The following SLC5A8 variants were observed in gnomAD, a reference collection of about 807,000 sequenced individuals.
SLC5A8 encodes sodium-coupled monocarboxylate transporter 1.
Under a neutral mutation model 71.9 loss-of-function variants are expected in SLC5A8, and 55 were observed. That is an observed-to-expected ratio of 0.77 (90% CI 0.62 to 0.96). SLC5A8 has a LOEUF of 0.96. Ranked by LOEUF, SLC5A8 falls within the 40% of genes least tolerant of loss-of-function variation. The pLI is 0.00. For synonymous variants in SLC5A8, 307 were observed against 276.1 expected (o/e 1.11, Z -1.11); for missense variants, 701 against 745.3 (o/e 0.94, Z 0.69).
intron 7 of SLC5A8, among the ~76,000 whole-genome samples, chr12:101,184,974 A>G (rs1162783643): frequency 1.3e-5 from 2 of 152,208 alleles, no homozygotes; most frequent in African/African-American, 4.8e-5. Context: ...TAAGTGGACA[A>G]TTTTCTCGAA....
intron 7 of SLC5A8, among the ~76,000 whole-genome samples, chr12:101,185,980 T>C (rs1477618433): frequency 1.3e-5 from 2 of 152,092 alleles, no homozygotes; most frequent in South Asian, 2.1e-4. Context: ...CCTGGAAATA[T>C]ATCAGTTGGG....
chr12:101,166,641 G>T lies in SLC5A8; in HGVS notation c.1379C>A (p.Ala460Asp), dbSNP rs559691776. The T allele has an allele frequency of 6.2e-7, 1 of 1,613,598 alleles. No individual in the cohort carries two copies. Among genetic ancestry groups the T allele is most frequent in the Admixed American group, 1.7e-5 (1 of 59,872 alleles). The change falls in exon 12 of 15, where the codon GCT becomes GAT. Residue 460 changes from alanine (A) to aspartate (D), a missense_variant. By Grantham distance (126) the Ala-to-Asp change is moderately radical. Coordinates refer to ENST00000536262, the MANE Select transcript of SLC5A8 (RefSeq NM_145913.5). The part of the protein sequence containing the change: ...FAISLWVGIG[A>D]QIYPPLPERT... ...CTCAGGAAGTGGAGGATATATTTGA[G>T]CTCCAATTCCAACCCATAGAGAAAT...
At chr12:101,189,708 C>T (rs1593377160) in intron 6 of SLC5A8, among the ~76,000 whole-genome samples, 2 of 152,234 alleles carry the variant, frequency 1.3e-5, no homozygotes, top group Middle Eastern at 3.4e-3. Context: ...CCAAATCACT[C>T]CACCTACCTA....
rs1389655988 is a variant in SLC5A8 at position 101,209,959 on chromosome 12, C to T, written c.-111G>A. On this transcript the variant is annotated 5_prime_UTR_variant, in exon 1 of 15. Coordinates refer to ENST00000536262, the MANE Select transcript of SLC5A8 (RefSeq NM_145913.5). ...TCCCTGGCGCGCAGGCGTGGCGTCC[C>T]GCGGGGACTGGAGGCGTCCTCCAGG... 1 of 1,037,452 alleles carries T rather than the reference C, an allele frequency of 9.6e-7. No individual in the cohort carries two copies. Among genetic ancestry groups the T allele is most frequent in the Non-Finnish European group, 1.3e-6 (1 of 753,928 alleles). The allele number at this position is 1,037,452 out of a possible 1,614,324, so 64.3% of individuals were successfully genotyped here. A position where few individuals can be genotyped will look rare whatever the true frequency, so the allele number is the denominator to read the frequency against.
At chr12:101,171,641 G>A (rs1023321903) in intron 10 of SLC5A8, among the ~76,000 whole-genome samples, 3 of 152,304 alleles carry the variant, frequency 2.0e-5, no homozygotes, top group Middle Eastern at 3.4e-3. Flanking sequence ...TGTGGCTTTG[G>A]GGCAGACTCG....
intron 1 of SLC5A8, among the ~76,000 whole-genome samples, chr12:101,207,800 A>G (rs759113518): frequency 1.3e-5 from 2 of 152,086 alleles, no homozygotes; most frequent in Non-Finnish European, 2.9e-5. Context: ...ACTAAGATAT[A>G]TGTTTTCTTA....
chr12:101,158,271 G>C lies in SLC5A8; in HGVS notation c.1688C>G (p.Ser563Cys). 6.3e-7 allele frequency: 1 copy of C among 1,589,566 alleles called. No homozygotes were observed. The highest frequency in any genetic ancestry group is 8.6e-7 in the Non-Finnish European group (1 of 1,164,288). ...RYILTKEDFL[S>C]NFDIFKKKKH... The stretch of plus-strand genomic sequence containing the variant: ...CACTTTCTTAAAAATATCAAAATTG[G>C]ATAAAAAGTCCTCTTTGGTTAGTAT... Residue 563 changes from serine (S) to cysteine (C), a missense_variant, in exon 14 of 15, where the codon TCC becomes TGC. By Grantham distance (112) the Ser-to-Cys change is moderately radical. Coordinates refer to ENST00000536262, the MANE Select transcript of SLC5A8 (RefSeq NM_145913.5).
At chr12:101,198,923 T>C (rs1038137628) in intron 3 of SLC5A8, among the ~76,000 whole-genome samples, 1 of 151,890 alleles carries the variant, frequency 6.6e-6, no homozygotes, top group Non-Finnish European at 1.5e-5. Context: ...ACATTAACAT[T>C]ACAATAAGAC....
At chr12:101,200,907 G>A (rs1012727178) in intron 3 of SLC5A8, among the ~76,000 whole-genome samples, 29 of 152,126 alleles carry the variant, frequency 1.9e-4, no homozygotes, top group Admixed American at 1.9e-3. Context: ...AGTTAAATAA[G>A]CTTTTTTGAG....
intron 1 of SLC5A8, 45 bp downstream of exon 1, chr12:101,209,453 C>T: frequency 6.8e-7 from 1 of 1,469,050 alleles, no homozygotes; most frequent in East Asian, 2.4e-5. Context: ...TGCAGAGTCC[C>T]CTTCCCCCGC....
At chr12:101,166,777 T>G in intron 11 of SLC5A8, 78 bp from the exon 12 acceptor site, 1 of 1,312,358 alleles carries the variant, frequency 7.6e-7, no homozygotes, top group Middle Eastern at 1.9e-4. Context: ...AAAGCCAAGT[T>G]CAACATGGCA....
chr12:101,174,808 G>A (rs1432453106), intron 10 of SLC5A8, among the ~76,000 whole-genome samples: 5 of 152,122 alleles, frequency 3.3e-5, no homozygotes, highest in East Asian at 1.9e-4. Context: ...GTAATGAGGC[G>A]GCACCCTCCC....
Position 101,180,044 on chromosome 12 carries a change from C to T in SLC5A8, c.1218G>A (p.Met406Ile). The change falls in exon 10 of 15, where the codon ATG becomes ATA. Residue 406 changes from methionine to isoleucine, a missense_variant. Coordinates refer to ENST00000536262, the MANE Select transcript of SLC5A8 (RefSeq NM_145913.5). ...CAGCTCTCACCTGCAACAAAGCTCC[C>T]ATAAGTGACGCCAGCGCAGCCATTC... Reference protein sequence around the residue: ...CIGMAALASLMGALLQAALSV... With the variant: ...CIGMAALASLIGALLQAALSV... The T allele has an allele frequency of 6.2e-7, 1 of 1,614,012 alleles. No homozygotes were observed. Among genetic ancestry groups the T allele is most frequent in the Non-Finnish European group, 8.5e-7 (1 of 1,179,930 alleles).
At chr12:101,193,407 C>T (rs1869008139) in intron 5 of SLC5A8, among the ~76,000 whole-genome samples, 1 of 152,206 alleles carries the variant, frequency 6.6e-6, no homozygotes, top group Non-Finnish European at 1.5e-5. Context: ...GGAAACATTG[C>T]TCTAAGCACC....
intron 7 of SLC5A8, among the ~76,000 whole-genome samples, chr12:101,186,406 A>C (rs539103688): frequency 6.6e-6 from 1 of 152,332 alleles, no homozygotes; most frequent in South Asian, 2.1e-4. Context: ...CATTTGCATC[A>C]ACAGAAATTC....
intron 7 of SLC5A8, among the ~76,000 whole-genome samples, chr12:101,186,003 CG>C (rs1868620387): frequency 6.6e-6 from 1 of 151,502 alleles, no homozygotes; most frequent in Non-Finnish European, 1.5e-5. Flanking sequence ...GAAATCTTCA[CG>C]GACTCTCTAA....
chr12:101,175,729 A>G (rs1049646502), intron 10 of SLC5A8, among the ~76,000 whole-genome samples: 28 of 152,112 alleles, frequency 1.8e-4, no homozygotes, highest in Non-Finnish European at 1.0e-4. Flanking sequence ...ACAAAAAGAA[A>G]GTAGAAAAAT....
chr12:101,167,065 G>A (rs116105061), intron 11 of SLC5A8, among the ~76,000 whole-genome samples: 4 of 151,988 alleles, frequency 2.6e-5, no homozygotes, highest in East Asian at 1.9e-4. Flanking sequence ...AAAAGGACAT[G>A]TTAGCTTAGT....
Position 101,193,648 on chromosome 12 carries a change from A to G in SLC5A8, c.669T>C (p.Asp223=), listed in dbSNP as rs760114000. Residue 223 remains aspartate (D), a synonymous_variant, in exon 5 of 15, where the codon GAT becomes GAC. Transcript: ENST00000536262. ...GISTILNDAY[D]GGRLNFWNFN... ...ACTTCCAGAAATTTAATCTTCCACC[A>G]TCATAGGCATCATTTAAAATAGTGC... The G allele has an allele frequency of 6.2e-7, 1 of 1,613,996 alleles. No individual in the cohort carries two copies. The highest frequency in any genetic ancestry group is 8.5e-7 in the Non-Finnish European group (1 of 1,179,944).
Sources: allele counts gnomAD v4.1 joint callset (sites outside exome capture counted in the v4.1 genomes callset), GRCh38; gene constraint gnomAD v4.1.1; transcripts MANE v1.5; gene names NCBI Gene and HGNC (gene_info 2026-07-23, HGNC 2026-07-21).